The following GREP1 variants were observed in gnomAD, a reference collection of about 807,000 sequenced individuals.
The protein encoded by GREP1 is glycine-rich extracellular protein 1.
At position 2,989,495 on chromosome 16, in the gene GREP1, C is replaced by T. The variant is rs553631012; in HGVS notation, c.101-28C>T. On this transcript the variant is annotated intron_variant, in intron 2 of 34. Transcript: ENST00000573315. The surrounding 1 kb of genome is among the most constrained non-coding windows in gnomAD (Gnocchi z 4.2). Reference sequence around the variant, plus strand: ...CCGGCTCCCAGCTGCTCCAGCACCCCGGGCTCAACATCTCACTTCTCCCAC... The same window carrying T: ...CCGGCTCCCAGCTGCTCCAGCACCCTGGGCTCAACATCTCACTTCTCCCAC... The T allele has an allele frequency of 2.0e-3, 818 of 399,218 alleles. 11 individuals carry two copies. Among genetic ancestry groups the T allele is most frequent in the African/African-American group, 0.016 (770 of 48,740 alleles). 24.7% of individuals were successfully genotyped at this position (399,218 alleles called of 1,614,324 possible). A position where few individuals can be genotyped will look rare whatever the true frequency, so the allele number is the denominator to read the frequency against.
At chr16:2,995,937 G>T (rs2072422368) in intron 18 of GREP1, 166 bp downstream of exon 17, 3 of 396,014 alleles carry the variant, frequency 7.6e-6, no homozygotes, top group African/African-American at 6.3e-5. Context: ...TAGGAGCCCA[G>T]GCTTTTTTTT....
chr16:2,997,980 G>A, intron 23 of GREP1, 145 bp downstream of exon 21: 1 of 389,708 alleles, frequency 2.6e-6, no homozygotes, highest in Non-Finnish European at 4.5e-6. Context: ...AGCCCAGCCA[G>A]GTGAGGGAGG....
In GREP1 at chr16:2,990,014, C is replaced by G. The variant is rs1202539616; in HGVS notation, c.163+8C>G. The G allele has an allele frequency of 7.5e-6, 3 of 399,434 alleles. No individual in the cohort carries two copies. In the East Asian group the frequency reaches 1.1e-4, roughly 14 times the overall value. 24.7% of individuals were successfully genotyped at this position (399,434 alleles called of 1,614,324 possible). Reference sequence around the variant, plus strand: ...TGAAGCCACAGAAGCCAGGTGAGCCCTGCCCCGGCCCCAGCTCTTTGTCTC... The same window carrying G: ...TGAAGCCACAGAAGCCAGGTGAGCCGTGCCCCGGCCCCAGCTCTTTGTCTC... On this transcript the variant is annotated splice_region_variant and intron_variant, in intron 4 of 34. Transcript: ENST00000573315.
chr16:2,999,103 T>C (rs1198126312), intron 26 of GREP1, 124 bp downstream of exon 24: 4 of 398,486 alleles, frequency 1.0e-5, no homozygotes, highest in African/African-American at 2.1e-5. Flanking sequence ...CAGTGACTTG[T>C]CACACAGTGA....
chr16:2,989,133 G>T lies in GREP1; in HGVS notation c.101-390G>T, dbSNP rs1213153553. The T allele has an allele frequency of 2.2e-5, 6 of 270,192 alleles. No homozygotes were observed. Among genetic ancestry groups the T allele is most frequent in the Non-Finnish European group, 4.1e-5 (6 of 144,676 alleles). 16.7% of individuals were successfully genotyped at this position (270,192 alleles called of 1,614,324 possible). A position where few individuals can be genotyped will look rare whatever the true frequency, so the allele number is the denominator to read the frequency against. On this transcript the variant is annotated intron_variant, in intron 2 of 34. Transcript: ENST00000573315. This position sits in a 1 kb window ranked among gnomAD's most constrained non-coding sequence, Gnocchi z 4.2. ...AGGAGGAGATTTCCATGAAGGGAGA[G>T]GAGCCCAGTACTGAGAATGGATGGG...
chr16:2,998,600 T>A (rs1251541956), intron 25 of GREP1, 77 bp downstream of exon 23: 4 of 398,544 alleles, frequency 1.0e-5, no homozygotes, highest in Non-Finnish European at 1.8e-5. Flanking sequence ...GGGGCCTCCA[T>A]CAGGAGCCCC....
rs1035290455 is a variant in GREP1 at position 2,990,604 on chromosome 16, C to T, written c.268+17C>T. ...CCCAGCCAGGTGAGGCTGGGGGAAGCGGGTAAGGAATGGGAGGGGCTTGGG... is the reference window on the plus strand; with the variant it reads ...CCCAGCCAGGTGAGGCTGGGGGAAGTGGGTAAGGAATGGGAGGGGCTTGGG... On this transcript the variant is annotated intron_variant, in intron 7 of 34. Coordinates refer to ENST00000573315, the Ensembl canonical transcript of GREP1. 8 of 399,148 alleles carry T rather than the reference C, an allele frequency of 2.0e-5. No homozygotes were observed. The East Asian group carries it at 2.1e-4, about 11-fold the overall frequency. The allele number at this position is 399,148 out of a possible 1,614,324, so 24.7% of individuals were successfully genotyped here. A position where few individuals can be genotyped will look rare whatever the true frequency, so the allele number is the denominator to read the frequency against.
At position 2,994,735 on chromosome 16, in the gene GREP1, C is replaced by T. The variant is rs1046033517; in HGVS notation, c.415+8C>T. On this transcript the variant is annotated splice_region_variant and intron_variant, in intron 11 of 34. Coordinates refer to ENST00000573315, the Ensembl canonical transcript of GREP1. ...AAAATGGCTATAGACCAGGTAGGGG[C>T]GGGGCTGGGGTTTGGGGAGGCCCAG... is the stretch of plus-strand genomic sequence containing the variant. The T allele has an allele frequency of 5.6e-5, 18 of 319,364 alleles. No individual in the cohort carries two copies. The highest frequency in any genetic ancestry group is 1.0e-4 in the Admixed American group (2 of 19,920). 19.8% of individuals were successfully genotyped at this position (319,364 alleles called of 1,614,324 possible).
intron 10 of GREP1, 142 bp from the exon 12 acceptor site, chr16:2,994,556 G>A: frequency 5.0e-6 from 2 of 398,004 alleles, no homozygotes; most frequent in Non-Finnish European, 8.8e-6. Flanking sequence ...GCAGGAGCTG[G>A]AGCTTGACAG....
In GREP1 at chr16:2,994,687, C is replaced by T. The variant is rs913632723; in HGVS notation, c.386-11C>T. 2 of 399,056 alleles carry T rather than the reference C, an allele frequency of 5.0e-6. No homozygotes were observed. Among genetic ancestry groups the T allele is most frequent in the Non-Finnish European group, 4.4e-6 (1 of 226,098 alleles). 24.7% of individuals were successfully genotyped at this position (399,056 alleles called of 1,614,324 possible). ...GCTCCGGAGGGCCTTAACCCTTTCT[C>T]TCCTCCACAGGCCCCACCACTCAAA... On this transcript the variant is annotated splice_polypyrimidine_tract_variant and intron_variant, in intron 10 of 34. Coordinates refer to ENST00000573315, the Ensembl canonical transcript of GREP1.
At position 2,989,251 on chromosome 16, in the gene GREP1, C is replaced by T. The variant is rs1159133425; in HGVS notation, c.101-272C>T. The T allele has an allele frequency of 2.6e-6, 1 of 381,222 alleles. No individual in the cohort carries two copies. Among genetic ancestry groups the T allele is most frequent in the Non-Finnish European group, 4.6e-6 (1 of 215,466 alleles). The allele number at this position is 381,222 out of a possible 1,614,324, so 23.6% of individuals were successfully genotyped here. A position where few individuals can be genotyped will look rare whatever the true frequency, so the allele number is the denominator to read the frequency against. On this transcript the variant is annotated intron_variant, in intron 2 of 34. Transcript: ENST00000573315. This position sits in a 1 kb window ranked among gnomAD's most constrained non-coding sequence, Gnocchi z 4.2. ...CCTCCAGGCCCAGGGGCCCTCTAGC[C>T]TCCACTGCCCTAGCCCCAGACTGCT...
exon 24 of GREP1, chr16:2,998,360 G>A (rs2072438051): frequency 2.5e-6 from 1 of 399,224 alleles, no homozygotes; most frequent in Non-Finnish European, 4.4e-6. Context: ...CCCCAGGCCT[G>A]CGAGGGACCT....
At chr16:3,001,637 T>C (rs1341056309) in exon 35 of GREP1, 3 of 399,026 alleles carry the variant, frequency 7.5e-6, no homozygotes, top group Non-Finnish European at 8.8e-6. Flanking sequence ...CCCTTGGGCT[T>C]GGCCTCTGGT....
chr16:2,995,024 G>A, intron 13 of GREP1, 62 bp downstream of exon 14: 1 of 399,074 alleles, frequency 2.5e-6, no homozygotes, highest in Non-Finnish European at 4.4e-6. Context: ...CCTCCCAGGG[G>A]CGGGATTGGT....
chr16:3,000,647 C>A (rs2072456129), intron 32 of GREP1, 67 bp from the exon 27 acceptor site: 1 of 398,872 alleles, frequency 2.5e-6, no homozygotes, highest in Non-Finnish European at 4.4e-6. Flanking sequence ...CAGAGCCAAG[C>A]CCAACAGGGG....
intron 22 of GREP1, chr16:2,997,469 G>A: frequency 2.5e-6 from 1 of 399,156 alleles, no homozygotes; most frequent in Non-Finnish European, 4.4e-6. Context: ...AAAGAGGTGG[G>A]GGCCTGGCTC....
exon 35 of GREP1, chr16:3,001,646 G>A (rs1368696722): frequency 1.5e-5 from 6 of 399,052 alleles, no homozygotes; most frequent in African/African-American, 4.1e-5. Flanking sequence ...TTGGCCTCTG[G>A]TGCTGCCTGG....
At position 2,989,949 on chromosome 16, in the gene GREP1, G is replaced by C; in HGVS notation, c.131-25G>C. 1 of 398,964 alleles carries C rather than the reference G, an allele frequency of 2.5e-6. No homozygotes were observed. The highest frequency in any genetic ancestry group is 3.6e-5 in the East Asian group (1 of 28,038). The allele number at this position is 398,964 out of a possible 1,614,324, so 24.7% of individuals were successfully genotyped here. ...TCTGGGGAGATCCTGGGGGAGGGGTGTCCCTCACCTCCCTGTCTCTCCAGG... is the reference window on the plus strand; with the variant it reads ...TCTGGGGAGATCCTGGGGGAGGGGTCTCCCTCACCTCCCTGTCTCTCCAGG... On this transcript the variant is annotated intron_variant, in intron 3 of 34. Coordinates refer to ENST00000573315, the Ensembl canonical transcript of GREP1. This position sits in a 1 kb window ranked among gnomAD's most constrained non-coding sequence, Gnocchi z 4.2.
chr16:2,990,074 T>C lies in GREP1; in HGVS notation c.164-13T>C, dbSNP rs147753739. 8.2e-3 allele frequency: 3,281 copies of C among 399,274 alleles called. 13 individuals are homozygous for C. Among genetic ancestry groups the C allele is most frequent in the Non-Finnish European group, 0.011 (2,496 of 226,256 alleles). 24.7% of individuals were successfully genotyped at this position (399,274 alleles called of 1,614,324 possible). ...CTCTCACACTCCTCACCTCACCTCA[T>C]CTGTCTCTCCAGGATTCGTGGTCAG... is the stretch of plus-strand genomic sequence containing the variant. On this transcript the variant is annotated splice_polypyrimidine_tract_variant and intron_variant, in intron 4 of 34. Transcript: ENST00000573315.
Sources: gnomAD v4.1 joint callset for allele counts on GRCh38, gnomAD v4.1.1 for gene constraint, Gnocchi (gnomAD v3.1) non-coding constraint, MANE v1.5 for transcripts, NCBI Gene and HGNC (gene_info 2026-07-23, HGNC 2026-07-21) for gene names.